The following TENM3 variants were observed in gnomAD, a reference collection of about 807,000 sequenced individuals.
TENM3 encodes the protein teneurin-3.
In TENM3, 63 loss-of-function variants were observed where a neutral mutation model predicts 255.1. That is an observed-to-expected ratio of 0.25 (90% CI 0.20 to 0.30). TENM3 has a LOEUF of 0.30. Among genes scored for constraint, TENM3 ranks in the 10% least tolerant of loss-of-function variants. TENM3 has a pLI of 1.00. For synonymous variants in TENM3, 1,306 were observed against 1,322.3 expected, an observed-to-expected ratio of 0.99 and a Z score of 0.27; for missense variants, 2,929 against 3,461.1, an observed-to-expected ratio of 0.85 and a Z score of 3.86.
chr4:182,635,607 A>G (rs546984124), intron 5 of TENM3, among the ~76,000 whole-genome samples: 12 of 152,328 alleles, frequency 7.9e-5, no homozygotes, highest in Non-Finnish European at 1.6e-4. Flanking sequence ...GAACTACTCA[A>G]ATTTTTACTA....
intron 3 of TENM3, among the ~76,000 whole-genome samples, chr4:182,542,931 G>A (rs1741031034): frequency 6.6e-6 from 1 of 152,146 alleles, no homozygotes; most frequent in Non-Finnish European, 1.5e-5. Flanking sequence ...AGAACACACG[G>A]GTTAAAGAGG....
the TENM3 span, among the ~76,000 whole-genome samples, chr4:182,033,436 G>T: frequency 1.3e-5 from 2 of 152,142 alleles, no homozygotes; most frequent in Admixed American, 6.6e-5. Flanking sequence ...TTTTGCATTT[G>T]CTGAGGAGTG....
intron 1 of TENM3, among the ~76,000 whole-genome samples, chr4:182,161,899 A>G (rs868660412): frequency 2.7e-5 from 1 of 36,632 alleles, no homozygotes; most frequent in African/African-American, 8.2e-5. Context: ...ATATATGTGT[A>G]TATATACACA....
At chr4:182,382,284 T>A (rs2150927792) in intron 3 of TENM3, among the ~76,000 whole-genome samples, 1 of 152,270 alleles carries the variant, frequency 6.6e-6, no homozygotes, top group South Asian at 2.1e-4. Context: ...CAGTAATTTC[T>A]CTTGATTTTA....
the TENM3 span, among the ~76,000 whole-genome samples, chr4:181,614,896 G>C: frequency 6.6e-6 from 1 of 152,222 alleles, no homozygotes; most frequent in Non-Finnish European, 1.5e-5. Flanking sequence ...GGAGAAGACT[G>C]GTTGTGGGGA....
the TENM3 span, among the ~76,000 whole-genome samples, chr4:181,509,697 C>A: frequency 2.6e-5 from 4 of 152,124 alleles, no homozygotes; most frequent in East Asian, 1.9e-4. Flanking sequence ...CTGGTCAAAG[C>A]AGTGCATAGG....
intron 2 of TENM3, among the ~76,000 whole-genome samples, chr4:182,345,432 G>A (rs1225423002): frequency 6.6e-6 from 1 of 152,162 alleles, no homozygotes. Context: ...GGTAGAAGTA[G>A]GGAAATCAAA....
chr4:182,588,934 C>G (rs550148905), intron 3 of TENM3, among the ~76,000 whole-genome samples: 2 of 152,254 alleles, frequency 1.3e-5, no homozygotes, highest in African/African-American at 4.8e-5. Context: ...GAAGCCAGAA[C>G]AATATCTTTG....
chr4:181,503,203 A>C, the TENM3 span, among the ~76,000 whole-genome samples: 3 of 151,982 alleles, frequency 2.0e-5, no homozygotes, highest in Non-Finnish European at 4.4e-5. Flanking sequence ...CCATCTCTAC[A>C]AAAAAATTAA....
chr4:181,831,919 A>T, the TENM3 span, among the ~76,000 whole-genome samples: 3 of 151,514 alleles, frequency 2.0e-5, no homozygotes, highest in African/African-American at 7.3e-5. Flanking sequence ...TCAACCCTGC[A>T]TGAAGCATCA....
At chr4:182,555,496 T>TA (rs1169835551) in intron 3 of TENM3, among the ~76,000 whole-genome samples, 1 of 152,204 alleles carries the variant, frequency 6.6e-6, no homozygotes, top group East Asian at 1.9e-4. Context: ...GTTTGGGGCT[T>TA]AAACATTGAT....
At chr4:182,274,172 C>G (rs544918422) in intron 1 of TENM3, among the ~76,000 whole-genome samples, 1 of 152,316 alleles carries the variant, frequency 6.6e-6, no homozygotes, top group South Asian at 2.1e-4. Context: ...GAAGAAACTT[C>G]TAGGGGAAGC....
chr4:181,794,610 TGGCATTTCCTTCTTTTTTAA>T, the TENM3 span, among the ~76,000 whole-genome samples: 85 of 151,826 alleles, frequency 5.6e-4, no homozygotes, highest in Middle Eastern at 3.4e-3. Flanking sequence ...TCTCAAATAA[TGGCATTTCCTTCTTTTTTAA>T]GGCATTTCCT....
chr4:182,340,111 G>A (rs748444438), intron 2 of TENM3, among the ~76,000 whole-genome samples: 2 of 152,108 alleles, frequency 1.3e-5, no homozygotes, highest in African/African-American at 2.4e-5. Flanking sequence ...TCCCCTGGAG[G>A]CCTCACAAAT....
chr4:182,002,332 G>A, the TENM3 span, among the ~76,000 whole-genome samples: 1 of 152,224 alleles, frequency 6.6e-6, no homozygotes, highest in South Asian at 2.1e-4. Context: ...GAGAGAGAGA[G>A]AGAAAGAGCT....
intron 3 of TENM3, among the ~76,000 whole-genome samples, chr4:182,569,331 G>A (rs1347391964): frequency 1.3e-5 from 2 of 152,116 alleles, no homozygotes; most frequent in African/African-American, 4.8e-5. Context: ...GAGGCAGGCA[G>A]ATCACTTGAG....
At chr4:182,020,096 G>A in the TENM3 span, among the ~76,000 whole-genome samples, 1 of 152,072 alleles carries the variant, frequency 6.6e-6, no homozygotes, top group African/African-American at 2.4e-5. Context: ...CAGGTGCTGT[G>A]GTTCATGCCT....
chr4:182,697,965 TTGTC>T (rs1193686788), intron 12 of TENM3: 1 of 152,194 alleles, frequency 6.6e-6, no homozygotes, highest in East Asian at 1.9e-4. Context: ...ATGTTGCAGT[TTGTC>T]TGTCCTTCAA....
intron 4 of TENM3, among the ~76,000 whole-genome samples, chr4:182,615,069 A>ATTTTATATATATATGTAT: frequency 7.7e-6 from 1 of 130,374 alleles, no homozygotes; most frequent in East Asian, 2.2e-4. Context: ...ATATATATGT[A>ATTTTATATATATATGTAT]TTTTTTTTTT....
Sources: gnomAD v4.1 joint callset for allele counts (sites outside exome capture counted in the v4.1 genomes callset) on GRCh38, gnomAD v4.1.1 for gene constraint, MANE v1.5 for transcripts, NCBI Gene and HGNC (gene_info 2026-07-23, HGNC 2026-07-21) for gene names.